The following PTPRT variants were observed in gnomAD, a reference collection of about 807,000 sequenced individuals.
PTPRT encodes the protein receptor-type tyrosine-protein phosphatase T.
A neutral mutation model predicts 176.8 loss-of-function variants in PTPRT; 56 were observed. The ratio of observed to expected loss-of-function variants is 0.32; its 90% confidence interval spans 0.26 to 0.40. PTPRT has a LOEUF of 0.40. Among genes scored for constraint, PTPRT ranks in the 10% least tolerant of loss-of-function variants. The probability of loss-of-function intolerance (pLI) is 1.00; values close to 1 mark genes in which losing one functional copy is unlikely to be tolerated. For missense variants in PTPRT, 1,540 were observed against 1,908.2 expected (o/e 0.81, Z 3.60); for synonymous variants, 783 against 739.0 (o/e 1.06, Z -0.96).
chr20:42,828,320 G>C (rs2078030800), intron 2 of PTPRT, among the ~76,000 whole-genome samples: 1 of 152,014 alleles, frequency 6.6e-6, no homozygotes, highest in African/African-American at 2.4e-5. Context: ...GATAATTTAG[G>C]GTATCCGGTA....
At chr20:42,337,934 C>T (rs1250510275) in intron 11 of PTPRT, among the ~76,000 whole-genome samples, 3 of 152,156 alleles carry the variant, frequency 2.0e-5, no homozygotes, top group Admixed American at 6.5e-5. Flanking sequence ...ACCAGCTCCA[C>T]CTCCTTCCTA....
chr20:43,179,414 G>A (rs953429101), intron 1 of PTPRT, among the ~76,000 whole-genome samples: 1 of 152,168 alleles, frequency 6.6e-6, no homozygotes, highest in Non-Finnish European at 1.5e-5. Context: ...TAAAAACTGG[G>A]ATATGTACAT....
chr20:42,860,157 C>T (rs1223666291), intron 2 of PTPRT, among the ~76,000 whole-genome samples: 1 of 152,122 alleles, frequency 6.6e-6, no homozygotes, highest in Non-Finnish European at 1.5e-5. Flanking sequence ...CTTGACCTGT[C>T]TCATTAATTA....
chr20:42,075,463 G>A lies in PTPRT; in HGVS notation c.*5416C>T, dbSNP rs3827068. The A allele has an allele frequency of 0.017, 3,751 of 224,492 alleles. 93 individuals carry two copies. The highest frequency in any genetic ancestry group is 0.11 in the East Asian group (1,654 of 15,476). The allele number at this position is 224,492 out of a possible 1,614,324, so 13.9% of individuals were successfully genotyped here. On this transcript the variant is annotated 3_prime_UTR_variant, in exon 31 of 31. Coordinates refer to ENST00000373187, the MANE Select transcript of PTPRT (RefSeq NM_007050.6). ...CTTGGGCTCACCCATGTCTTCCAGA[G>A]TGTTACTCCTGGTTGAGCTTGGTGC...
At chr20:42,610,576 C>T (rs970047693) in intron 7 of PTPRT, among the ~76,000 whole-genome samples, 2 of 152,022 alleles carry the variant, frequency 1.3e-5, no homozygotes, top group African/African-American at 4.8e-5. Context: ...TAACCTTTTC[C>T]AAACTAATCT....
intron 13 of PTPRT, among the ~76,000 whole-genome samples, chr20:42,263,425 G>C (rs2056786616): frequency 1.5e-5 from 2 of 135,206 alleles, no homozygotes; most frequent in Middle Eastern, 8.6e-3. Flanking sequence ...CTGTCACCCA[G>C]GGTGCAGTGC....
intron 7 of PTPRT, among the ~76,000 whole-genome samples, chr20:42,556,882 T>C (rs979642540): frequency 1.3e-5 from 2 of 152,164 alleles, no homozygotes; most frequent in African/African-American, 2.4e-5. Context: ...GGAAGCTGCA[T>C]ATCATGATGT....
In PTPRT at chr20:42,119,927, G is replaced by A. The variant is rs754333050; in HGVS notation, c.2884+8C>T. On this transcript the variant is annotated splice_region_variant and intron_variant, in intron 20 of 30. Transcript: ENST00000373187. ...CTCTGAGGCACTAGGTGGAGGGAGG[G>A]CACTTACCTTGAGTCGCAATGTAGT... 6.2e-7 allele frequency: 1 copy of A among 1,607,526 alleles called. No individual in the cohort carries two copies. The highest frequency in any genetic ancestry group is 8.5e-7 in the Non-Finnish European group (1 of 1,176,658).
chr20:42,749,752 G>A (rs2076743817), intron 6 of PTPRT, among the ~76,000 whole-genome samples: 1 of 152,170 alleles, frequency 6.6e-6, no homozygotes, highest in Non-Finnish European at 1.5e-5. Flanking sequence ...GACACAGTTG[G>A]GCTCCATAAA....
chr20:42,049,693 G>A, the PTPRT span, among the ~76,000 whole-genome samples: 1 of 152,176 alleles, frequency 6.6e-6, no homozygotes, highest in Non-Finnish European at 1.5e-5. Context: ...AGCTTGTTGT[G>A]GGGCTGGGGT....
chr20:43,043,303 A>G (rs1986706492), intron 1 of PTPRT, among the ~76,000 whole-genome samples: 1 of 152,170 alleles, frequency 6.6e-6, no homozygotes. Context: ...GATTAATTTC[A>G]GTACAAAAGG....
At chr20:42,188,126 T>A (rs742290) in intron 16 of PTPRT, among the ~76,000 whole-genome samples, 1 of 152,020 alleles carries the variant, frequency 6.6e-6, no homozygotes, top group Non-Finnish European at 1.5e-5. Context: ...GATGTAAATG[T>A]CCCCCTCTTC....
intron 6 of PTPRT, among the ~76,000 whole-genome samples, chr20:42,728,210 A>G (rs893707598): frequency 6.6e-6 from 1 of 152,146 alleles, no homozygotes; most frequent in East Asian, 1.9e-4. Flanking sequence ...AGTGCCTCTC[A>G]AATTTTTCCC....
chr20:43,107,789 AGAGGGAT>A (rs1051581921), intron 1 of PTPRT, among the ~76,000 whole-genome samples: 2 of 152,236 alleles, frequency 1.3e-5, no homozygotes, highest in African/African-American at 4.8e-5. Flanking sequence ...GTGTGTGTGA[AGAGGGAT>A]GAGGCGAAGA....
At chr20:42,768,246 G>A (rs942846998) in intron 5 of PTPRT, among the ~76,000 whole-genome samples, 1 of 152,116 alleles carries the variant, frequency 6.6e-6, no homozygotes, top group Non-Finnish European at 1.5e-5. Flanking sequence ...CGTTTCAAGT[G>A]CCCCAGGATG....
intron 9 of PTPRT, among the ~76,000 whole-genome samples, chr20:42,408,704 A>C (rs906491992): frequency 7.9e-5 from 12 of 152,304 alleles, no homozygotes; most frequent in African/African-American, 2.6e-4. Flanking sequence ...GCAATACAAA[A>C]ATGAAATTAT....
At chr20:42,197,001 G>A (rs933739909) in intron 16 of PTPRT, among the ~76,000 whole-genome samples, 3 of 152,110 alleles carry the variant, frequency 2.0e-5, no homozygotes, top group Non-Finnish European at 4.4e-5. Context: ...TTGCCAAAAT[G>A]TGTAACCTGA....
chr20:43,175,495 C>T (rs1283137215), intron 1 of PTPRT, among the ~76,000 whole-genome samples: 1 of 152,286 alleles, frequency 6.6e-6, no homozygotes, highest in Non-Finnish European at 1.5e-5. Flanking sequence ...TCTCTTGGAG[C>T]TGTGACTGTG....
At chr20:42,556,621 C>T (rs2072866007) in intron 7 of PTPRT, among the ~76,000 whole-genome samples, 1 of 152,100 alleles carries the variant, frequency 6.6e-6, no homozygotes, top group Non-Finnish European at 1.5e-5. Flanking sequence ...AAGTAACTCT[C>T]AGAAGTTCTC....
Sources: gnomAD v4.1 joint callset for allele counts (sites outside exome capture counted in the v4.1 genomes callset) on GRCh38, gnomAD v4.1.1 for gene constraint, MANE v1.5 for transcripts, NCBI Gene and HGNC (gene_info 2026-07-23, HGNC 2026-07-21) for gene names.